SNTG2: variants seen among roughly 807,000 people sequenced by gnomAD.
SNTG2 encodes the protein syntrophin gamma 2, also known as gamma-2-syntrophin.
Under a neutral mutation model 70.9 loss-of-function variants are expected in SNTG2, and 74 were observed. The observed-to-expected ratio is 1.04, with a 90% CI of 0.86 to 1.27. The LOEUF (loss-of-function observed/expected upper bound fraction) is 1.27. Ranked by LOEUF, SNTG2 falls within the 50% of genes most tolerant of loss-of-function variation. The pLI is 0.00. For synonymous variants in SNTG2, 278 were observed against 273.8 expected, an observed-to-expected ratio of 1.02 and a Z score of -0.15; for missense variants, 717 against 690.7, an observed-to-expected ratio of 1.04 and a Z score of -0.43.
chr2:988,729 AT>A (rs112364822), intron 1 of SNTG2, among the ~76,000 whole-genome samples: 19,696 of 147,836 alleles, frequency 0.13, 1,375 homozygotes, highest in Middle Eastern at 0.24. Context: ...ATTTTATGGG[AT>A]TTTTTTTTTT....
At chr2:1,227,360 G>C (rs764014334) in intron 9 of SNTG2, among the ~76,000 whole-genome samples, 17 of 152,350 alleles carry the variant, frequency 1.1e-4, no homozygotes, top group Non-Finnish European at 1.9e-4. Flanking sequence ...CCAGCTGATG[G>C]CTGCTATGCC....
chr2:1,359,718 T>G (rs966886017), intron 16 of SNTG2, among the ~76,000 whole-genome samples: 3 of 152,228 alleles, frequency 2.0e-5, no homozygotes, highest in Non-Finnish European at 4.4e-5. Context: ...CTGGGAAAGA[T>G]GACTGCTTTT....
chr2:1,300,454 T>C (rs1484065273), intron 14 of SNTG2, among the ~76,000 whole-genome samples: 1 of 152,150 alleles, frequency 6.6e-6, no homozygotes, highest in African/African-American at 2.4e-5. Flanking sequence ...CACCCCAGGG[T>C]GGGTCAGCAT....
intron 6 of SNTG2, chr2:1,161,704 C>T (rs1002086253): frequency 3.3e-5 from 5 of 152,010 alleles, no homozygotes; most frequent in African/African-American, 1.2e-4. Context: ...TTTAAAGTCC[C>T]CAAAAAATCA....
At chr2:1,229,129 T>C (rs1041776362) in intron 9 of SNTG2, among the ~76,000 whole-genome samples, 2 of 152,100 alleles carry the variant, frequency 1.3e-5, no homozygotes, top group Non-Finnish European at 2.9e-5. Flanking sequence ...GCTTCCACAG[T>C]GTGGAAGGGG....
intron 14 of SNTG2, among the ~76,000 whole-genome samples, chr2:1,300,137 G>A (rs1558189259): frequency 6.6e-6 from 1 of 151,626 alleles, no homozygotes; most frequent in Non-Finnish European, 1.5e-5. Flanking sequence ...TGCCTCAAAT[G>A]AGGGCACTGT....
chr2:1,242,304 T>C (rs941424661), intron 11 of SNTG2, among the ~76,000 whole-genome samples: 5 of 152,174 alleles, frequency 3.3e-5, no homozygotes, highest in African/African-American at 4.8e-5. Flanking sequence ...GTGAGATAAT[T>C]GTTAATGTGA....
intron 4 of SNTG2, among the ~76,000 whole-genome samples, chr2:1,127,797 C>T (rs1176350176): frequency 6.6e-6 from 1 of 152,124 alleles, no homozygotes; most frequent in East Asian, 1.9e-4. Context: ...GATTTCTGTA[C>T]GTTGATTTTG....
rs1438616195 is a variant in SNTG2 at position 966,226 on chromosome 2, TA to T, written c.72+15159del. 7.9e-5 allele frequency among the ~76,000 whole-genome samples: 12 copies of T among 152,382 alleles called. 1 individual carries two copies. The Middle Eastern group carries it at 0.027, about 346-fold the overall frequency. ...GGTCATCAAAACTGGTTAGTTTTGA[TA>T]TTTTTAAAATGTTTGTTGTTGCACT... On this transcript the variant is annotated intron_variant, in intron 1 of 16. Transcript: ENST00000308624.
At chr2:1,087,933 C>CA (rs2148184002) in intron 2 of SNTG2, among the ~76,000 whole-genome samples, 1 of 152,312 alleles carries the variant, frequency 6.6e-6, no homozygotes, top group African/African-American at 2.4e-5. Context: ...ACACAATATA[C>CA]AAAATTCTAC....
chr2:1,314,586 T>G (rs1681180089), intron 15 of SNTG2, among the ~76,000 whole-genome samples: 1 of 152,202 alleles, frequency 6.6e-6, no homozygotes, highest in South Asian at 2.1e-4. Context: ...GGGGCTTGCC[T>G]CAGTGCCCCA....
At chr2:1,093,468 C>T (rs1381744659) in intron 2 of SNTG2, among the ~76,000 whole-genome samples, 1 of 152,094 alleles carries the variant, frequency 6.6e-6, no homozygotes, top group African/African-American at 2.4e-5. Context: ...CAGAAGTTTT[C>T]CTGTTTACTT....
chr2:1,128,474 A>G (rs1367061574), intron 4 of SNTG2, among the ~76,000 whole-genome samples: 3 of 152,130 alleles, frequency 2.0e-5, no homozygotes, highest in Admixed American at 6.5e-5. Context: ...TTGCAACATA[A>G]TGAATATCTG....
intron 14 of SNTG2, among the ~76,000 whole-genome samples, chr2:1,294,480 G>A (rs576481712): frequency 2.1e-4 from 32 of 152,364 alleles, no homozygotes; most frequent in African/African-American, 7.7e-4. Flanking sequence ...GCTTTCTTAG[G>A]AGAAAGTAGA....
At chr2:1,114,586 T>TGAG (rs1384098690) in intron 4 of SNTG2, among the ~76,000 whole-genome samples, 8 of 148,884 alleles carry the variant, frequency 5.4e-5, no homozygotes, top group African/African-American at 2.1e-4. Flanking sequence ...TAGAGTCCTT[T>TGAG]GAGGAGGATC....
chr2:1,227,120 A>T (rs1006543818), intron 9 of SNTG2, among the ~76,000 whole-genome samples: 1 of 152,370 alleles, frequency 6.6e-6, no homozygotes, highest in East Asian at 1.9e-4. Context: ...ATTTTTATAG[A>T]GTTATTTTAT....
chr2:1,122,066 G>A lies in SNTG2; in HGVS notation c.326-15556G>A, dbSNP rs1667412275. ...GCCAAGTTTGAGTCAGGAAAAAATA[G>A]AAAGACTGAACTGACCAAAACCAAA... On this transcript the variant is annotated intron_variant, in intron 4 of 16. Transcript: ENST00000308624. 2.0e-5 allele frequency among the ~76,000 whole-genome samples: 3 copies of A among 152,108 alleles called. No individual in the cohort carries two copies. The South Asian group carries it at 6.2e-4, about 32-fold the overall frequency.
In SNTG2 at chr2:1,287,112, CTG is replaced by C. The variant is rs573891577; in HGVS notation, c.1284+19544_1284+19545del. ...GGGGAGGAGAATATCTTTGCTCACTCTGTGCTTTTCCCGCCGAGGAGTCACAG... is the reference window on the plus strand; with the variant it reads ...GGGGAGGAGAATATCTTTGCTCACTCTGCTTTTCCCGCCGAGGAGTCACAG... On this transcript the variant is annotated intron_variant, in intron 14 of 16. Coordinates refer to ENST00000308624, the MANE Select transcript of SNTG2 (RefSeq NM_018968.4). 2.6e-3 allele frequency among the ~76,000 whole-genome samples: 403 copies of C among 152,326 alleles called. 2 individuals carry two copies. The highest frequency in any genetic ancestry group is 9.3e-3 in the African/African-American group (386 of 41,572).
intron 1 of SNTG2, among the ~76,000 whole-genome samples, chr2:992,317 G>A (rs1462990099): frequency 6.6e-6 from 1 of 152,038 alleles, no homozygotes; most frequent in Non-Finnish European, 1.5e-5. Flanking sequence ...TGGATAGTAG[G>A]TACAAAGGAC....
Sources: allele counts gnomAD v4.1 joint callset (sites outside exome capture counted in the v4.1 genomes callset), GRCh38; gene constraint gnomAD v4.1.1; transcripts MANE v1.5; gene names NCBI Gene and HGNC (gene_info 2026-07-23, HGNC 2026-07-21).